MGST3: variants seen among roughly 807,000 people sequenced by gnomAD.
MGST3 encodes the protein microsomal glutathione S-transferase 3, also known as glutathione S-transferase 3, mitochondrial.
MGST3 carries 13 observed loss-of-function variants against 15.8 expected under a neutral mutation model. That is an observed-to-expected ratio of 0.82 (90% CI 0.54 to 1.31). The LOEUF (loss-of-function observed/expected upper bound fraction) is 1.31, where lower values mean the gene tolerates loss of function less well. Ranked by LOEUF, MGST3 falls within the 50% of genes most tolerant of loss-of-function variation. The pLI is 0.00. For missense variants in MGST3, 155 were observed against 192.4 expected (o/e 0.81, Z 1.15); for synonymous variants, 49 against 68.1 (o/e 0.72, Z 1.38).
chr1:165,655,304 G>T, intron 5 of MGST3, 64 bp from the exon 6 acceptor site: 1 of 1,595,140 alleles, frequency 6.3e-7, no homozygotes, highest in East Asian at 2.3e-5. Flanking sequence ...AATGGCTTGC[G>T]AATGTTGAAA....
rs1260861488 is a variant in MGST3 at position 165,654,814 on chromosome 1, CTTATTT to C, written c.322+469_322+474del. ...TATTAATCTTTCAATTGTAACGAAA[CTTATTT>C]TTATTGAGCATTTTCTATGTGCCAA... On this transcript the variant is annotated intron_variant, in intron 5 of 5. Transcript: ENST00000367889. Among the ~76,000 whole-genome samples the C allele has an allele frequency of 2.0e-5, 3 of 152,232 alleles. 1 individual carries two copies. The highest frequency in any genetic ancestry group is 4.1e-4 in the South Asian group (2 of 4,822).
intron 1 of MGST3, among the ~76,000 whole-genome samples, chr1:165,635,529 G>C (rs1425429471): frequency 6.6e-6 from 1 of 152,158 alleles, no homozygotes; most frequent in East Asian, 1.9e-4. Context: ...ACTGGAACTT[G>C]AGCATCCTGC....
rs1334283854 is a variant in MGST3, at chr1:165,643,643, A to T, written c.-7-6198A>T. Reference sequence around the variant, plus strand: ...TACTTTGAGAGGCTGAGGCAGCCGTATCAGTTGAGGCCAGGAGTTTGAGAC... The same window carrying T: ...TACTTTGAGAGGCTGAGGCAGCCGTTTCAGTTGAGGCCAGGAGTTTGAGAC... On this transcript the variant is annotated intron_variant, in intron 1 of 5. Coordinates refer to ENST00000367889, the MANE Select transcript of MGST3 (RefSeq NM_004528.4). 3.3e-5 allele frequency among the ~76,000 whole-genome samples: 5 copies of T among 152,130 alleles called. No individual in the cohort carries two copies. In the East Asian group the frequency reaches 7.7e-4, roughly 23 times the overall value.
At chr1:165,636,204 G>T (rs1317848676) in intron 1 of MGST3, among the ~76,000 whole-genome samples, 1 of 152,084 alleles carries the variant, frequency 6.6e-6, no homozygotes, top group Non-Finnish European at 1.5e-5. Flanking sequence ...TTTTGTGTGT[G>T]GGTGTGTGTG....
At chr1:165,649,730 TG>T in intron 1 of MGST3, 110 bp from the exon 2 acceptor site, 1 of 1,274,804 alleles carries the variant, frequency 7.8e-7, no homozygotes, top group Non-Finnish European at 1.1e-6. Context: ...TACCTTTTTT[TG>T]GTCTCTATTT....
At chr1:165,652,210 CTCA>C (rs1374651749) in intron 4 of MGST3, among the ~76,000 whole-genome samples, 175 bp downstream of exon 4, 1 of 152,112 alleles carries the variant, frequency 6.6e-6, no homozygotes, top group Non-Finnish European at 1.5e-5. Context: ...TGGGATTTTC[CTCA>C]TATTTTACAG....
rs763840126 is a variant in MGST3 at position 165,655,516 on chromosome 1, G to T, written c.*12G>T. The stretch of plus-strand genomic sequence containing the variant: ...AATGCTGCCATTAAAGAATTATAGG[G>T]GTTTAAAAACTCTCATTCATTTTAA... On this transcript the variant is annotated 3_prime_UTR_variant, in exon 6 of 6. Transcript: ENST00000367889. 68 of 1,613,468 alleles carry T rather than the reference G, an allele frequency of 4.2e-5. No individual in the cohort carries two copies. Among genetic ancestry groups the T allele is most frequent in the Non-Finnish European group, 5.5e-5 (65 of 1,179,900 alleles).
chr1:165,632,057 T>A (rs1026832432), intron 1 of MGST3: 1 of 587,302 alleles, frequency 1.7e-6, no homozygotes, highest in Non-Finnish European at 3.1e-6. Flanking sequence ...GACTCCTTAG[T>A]GAGTCATTCC....
intron 1 of MGST3, among the ~76,000 whole-genome samples, chr1:165,639,307 G>A (rs1302449258): frequency 6.6e-6 from 1 of 152,168 alleles, no homozygotes; most frequent in East Asian, 1.9e-4. Flanking sequence ...CAAAAAGCAT[G>A]GACACTGGCA....
Position 165,655,412 on chromosome 1 carries a change from CTGGGCTTGG to C in MGST3, c.373_381del (p.Leu125_Gly127del). ...AGGAGCCCTGGGGTCCATCGCCCTC[CTGGGCTTGG>C]TGGGCACAACTGTGTGCTCTGCTTT... On this transcript the variant is annotated inframe_deletion, in exon 6 of 6. Transcript: ENST00000367889. 6.2e-7 allele frequency: 1 copy of C among 1,614,106 alleles called. No individual in the cohort carries two copies. Among genetic ancestry groups the C allele is most frequent in the Non-Finnish European group, 8.5e-7 (1 of 1,180,006 alleles).
At chr1:165,641,947 C>A (rs142356972) in intron 1 of MGST3, among the ~76,000 whole-genome samples, 1 of 152,212 alleles carries the variant, frequency 6.6e-6, no homozygotes, top group Non-Finnish European at 1.5e-5. Context: ...CTTGACTGAT[C>A]TATTTTGACT....
intron 2 of MGST3, chr1:165,650,780 G>A: frequency 1.9e-6 from 1 of 531,896 alleles, no homozygotes; most frequent in South Asian, 2.0e-5. Context: ...TTTCCCTTGT[G>A]CAACTACAGC....
chr1:165,638,789 C>T (rs1284339563), intron 1 of MGST3, among the ~76,000 whole-genome samples: 1 of 101,932 alleles, frequency 9.8e-6, no homozygotes, highest in Non-Finnish European at 2.0e-5. Context: ...AGAGAGACTC[C>T]GTCTTAAAAA....
chr1:165,650,651 G>A (rs1557995529), intron 2 of MGST3: 1 of 243,916 alleles, frequency 4.1e-6, no homozygotes, highest in Non-Finnish European at 8.2e-6. Flanking sequence ...AAAAGGATGT[G>A]GTATTTGATG....
chr1:165,651,123 G>A, intron 3 of MGST3, 36 bp downstream of exon 3: 11 of 1,584,786 alleles, frequency 6.9e-6, no homozygotes, highest in Non-Finnish European at 9.5e-6. Flanking sequence ...AAAGACATCT[G>A]CAGAGTGGGT....
intron 1 of MGST3, among the ~76,000 whole-genome samples, chr1:165,639,485 C>T (rs1312875262): frequency 2.6e-5 from 4 of 152,174 alleles, no homozygotes; most frequent in Non-Finnish European, 4.4e-5. Flanking sequence ...AATATCTAAA[C>T]TCTGTTACAG....
chr1:165,636,446 C>G (rs140923788), intron 1 of MGST3, among the ~76,000 whole-genome samples: 1 of 152,058 alleles, frequency 6.6e-6, no homozygotes, highest in Non-Finnish European at 1.5e-5. Context: ...AAGAGGATTG[C>G]GTTTATGGGC....
intron 3 of MGST3, 126 bp from the exon 4 acceptor site, chr1:165,651,852 G>A: frequency 3.2e-6 from 2 of 627,382 alleles, no homozygotes; most frequent in Admixed American, 2.9e-5. Context: ...CTGAGATCAT[G>A]CCACTGCATT....
intron 1 of MGST3, chr1:165,646,767 A>G (rs1478372827): frequency 2.6e-5 from 4 of 152,298 alleles, no homozygotes; most frequent in African/African-American, 4.8e-5. Context: ...TGTGCTTGAC[A>G]TGGAAGATGC....
Sources: allele counts gnomAD v4.1 joint callset (sites outside exome capture counted in the v4.1 genomes callset), GRCh38; gene constraint gnomAD v4.1.1; transcripts MANE v1.5; gene names NCBI Gene and HGNC (gene_info 2026-07-23, HGNC 2026-07-21).